Variants in PIK3C2B observed in about 807,000 individuals in gnomAD.
PIK3C2B encodes the protein phosphatidylinositol 4-phosphate 3-kinase C2 domain-containing subunit beta.
Under a neutral mutation model 184.3 loss-of-function variants are expected in PIK3C2B, and 83 were observed. That is an observed-to-expected ratio of 0.45 (90% CI 0.38 to 0.54). The LOEUF (loss-of-function observed/expected upper bound fraction) is 0.54. PIK3C2B is among the 20% of genes least tolerant of loss of function. PIK3C2B has a pLI of 0.00. For synonymous variants in PIK3C2B, 779 were observed against 837.6 expected (o/e 0.93, Z 1.21); for missense variants, 1,736 against 2,113.5 (o/e 0.82, Z 3.50).
chr1:204,448,789 T>G (rs12407668), intron 14 of PIK3C2B, among the ~76,000 whole-genome samples: 5,148 of 152,106 alleles, frequency 0.034, 99 homozygotes, highest in Middle Eastern at 0.068. Flanking sequence ...CCCTGGAGAA[T>G]AGGTCCATCC....
At chr1:204,444,504 G>A in intron 16 of PIK3C2B, 80 bp from the exon 17 acceptor site, 4 of 976,868 alleles carry the variant, frequency 4.1e-6, no homozygotes, top group Non-Finnish European at 6.3e-6. Context: ...TCACACCTGG[G>A]CTTCAGAGGC....
intron 1 of PIK3C2B, among the ~76,000 whole-genome samples, chr1:204,481,179 C>A (rs1657109148): frequency 6.6e-6 from 1 of 151,964 alleles, no homozygotes; most frequent in African/African-American, 2.4e-5. Context: ...CTACTCTCCC[C>A]CGACACACAC....
chr1:204,456,299 T>G (rs1558256594), intron 10 of PIK3C2B: 2 of 384,294 alleles, frequency 5.2e-6, no homozygotes, highest in South Asian at 1.1e-4. Context: ...GTATTGCTAC[T>G]TAGCATTAAA....
At chr1:204,452,642 C>A (rs1446416899) in intron 12 of PIK3C2B, among the ~76,000 whole-genome samples, 10 of 142,504 alleles carry the variant, frequency 7.0e-5, no homozygotes, top group African/African-American at 2.3e-4. Context: ...TTAATGCACA[C>A]CCCATGTCCT....
chr1:204,467,338 T>C (rs1185434672), intron 2 of PIK3C2B: 1 of 167,714 alleles, frequency 6.0e-6, no homozygotes, highest in Non-Finnish European at 1.3e-5. Context: ...CCCTGAGCTC[T>C]AGGGATGTGG....
chr1:204,491,886 G>A (rs183543092), intron 1 of PIK3C2B, among the ~76,000 whole-genome samples: 48 of 152,302 alleles, frequency 3.2e-4, no homozygotes, highest in Non-Finnish European at 5.7e-4. Context: ...GCAGTAGCCA[G>A]CCTTTGGAAG....
intron 8 of PIK3C2B, 123 bp downstream of exon 8, chr1:204,459,755 T>C (rs1410476450): frequency 2.5e-6 from 2 of 804,636 alleles, no homozygotes; most frequent in Non-Finnish European, 4.2e-6. Flanking sequence ...AAAGAAGTGC[T>C]CTGCCAACAG....
At chr1:204,472,315 C>T (rs1306407611) in intron 1 of PIK3C2B, among the ~76,000 whole-genome samples, 3 of 151,934 alleles carry the variant, frequency 2.0e-5, no homozygotes, top group African/African-American at 7.2e-5. Context: ...AGGCACCCGC[C>T]ACCACACCCG....
At chr1:204,434,726 A>G in intron 23 of PIK3C2B, 118 bp from the exon 24 acceptor site, 2 of 707,780 alleles carry the variant, frequency 2.8e-6, no homozygotes, top group East Asian at 2.7e-5. Flanking sequence ...TGTGAACCCC[A>G]ATAGTGTCTC....
chr1:204,493,553 A>ACACT (rs1558293821), intron 1 of PIK3C2B, among the ~76,000 whole-genome samples: 1 of 151,494 alleles, frequency 6.6e-6, no homozygotes, highest in African/African-American at 2.4e-5. Context: ...ACACACACAC[A>ACACT]CTTCAACATC....
At chr1:204,449,421 C>T in intron 13 of PIK3C2B, 125 bp from the exon 14 acceptor site, 1 of 710,882 alleles carries the variant, frequency 1.4e-6, no homozygotes, top group Non-Finnish European at 2.4e-6. Context: ...CTCTCATTCT[C>T]ACCGTGGACC....
chr1:204,488,659 G>A (rs80237840), intron 1 of PIK3C2B, among the ~76,000 whole-genome samples: 2 of 152,160 alleles, frequency 1.3e-5, no homozygotes, highest in African/African-American at 2.4e-5. Context: ...TGGCTCTGGC[G>A]AGATTAAACT....
In PIK3C2B at chr1:204,447,602, G is replaced by C. The variant is rs750498469; in HGVS notation, c.2347-24C>G. ...ATCTGGGGGATGAGATCAGGGATGT[G>C]AGGAGAGAAAACAGGCAGCGTGTGT... On this transcript the variant is annotated intron_variant, in intron 14 of 32. Coordinates refer to ENST00000684373, the MANE Select transcript of PIK3C2B (RefSeq NM_001377334.1). This position sits in a 1 kb window ranked among gnomAD's most constrained non-coding sequence, Gnocchi z 4.1. 8.2e-6 allele frequency: 13 copies of C among 1,588,886 alleles called. No homozygotes were observed. Among genetic ancestry groups the C allele is most frequent in the Non-Finnish European group, 9.4e-6 (11 of 1,166,954 alleles).
intron 1 of PIK3C2B, among the ~76,000 whole-genome samples, chr1:204,493,616 A>G (rs1194408524): frequency 6.6e-6 from 1 of 151,834 alleles, no homozygotes; most frequent in Non-Finnish European, 1.5e-5. Flanking sequence ...CTCTTCCCAC[A>G]ATCCAGAAGC....
intron 7 of PIK3C2B, 66 bp downstream of exon 7, chr1:204,460,258 G>A (rs999254723): frequency 1.4e-5 from 18 of 1,299,944 alleles, no homozygotes; most frequent in Non-Finnish European, 1.8e-5. Context: ...AGGCAAGCAG[G>A]CACATCTGAT....
In PIK3C2B at chr1:204,428,211, C is replaced by A. The variant is rs1321894615; in HGVS notation, c.4408G>T (p.Val1470Leu). ...GGCAGTGGGTGGAAGAAGGTGTACA[C>A]CAAATCACACTGGAACAGAATCAGA... ...APPEVAECDL[V>L]YTFFHPLPRD... The change falls in exon 30 of 33, where the codon GTG (valine) becomes TTG (leucine). Residue 1470 changes from valine to leucine, a missense_variant. Physicochemically the swap from Val to Leu is conservative, Grantham distance 32. Around this residue, in one of 8 missense-constraint regions of PIK3C2B, gnomAD observed 200 missense variants for 199.1 expected, o/e 1.00. Coordinates refer to ENST00000684373, the MANE Select transcript of PIK3C2B (RefSeq NM_001377334.1). 2.5e-6 allele frequency: 4 copies of A among 1,608,696 alleles called. No individual in the cohort carries two copies. The highest frequency in any genetic ancestry group is 1.3e-5 in the African/African-American group (1 of 74,788).
At chr1:204,481,025 A>G (rs1296086954) in intron 1 of PIK3C2B, among the ~76,000 whole-genome samples, 1 of 152,020 alleles carries the variant, frequency 6.6e-6, no homozygotes, top group Admixed American at 6.6e-5. Flanking sequence ...AGCCATAGGG[A>G]TCACACAAAC....
intron 16 of PIK3C2B, among the ~76,000 whole-genome samples, 167 bp downstream of exon 16, chr1:204,445,789 G>A (rs182247988): frequency 1.1e-3 from 162 of 152,212 alleles, no homozygotes; most frequent in Admixed American, 2.5e-3. Context: ...ATATAACATT[G>A]AAGGGAAAAT....
At position 204,449,374 on chromosome 1, in the gene PIK3C2B, A is replaced by G. The variant is rs61762617; in HGVS notation, c.2235-78T>C. 1,816 of 1,103,118 alleles carry G rather than the reference A, an allele frequency of 1.6e-3. 18 individuals carry two copies. The African/African-American group carries it at 0.024, about 15-fold the overall frequency. 68.3% of individuals were successfully genotyped at this position (1,103,118 alleles called of 1,614,324 possible). A position where few individuals can be genotyped will look rare whatever the true frequency, so the allele number is the denominator to read the frequency against. ...TTTCTACTGCTCCCCCAATCCAAAA[A>G]TCTGCCTTTTCTGTTTGAAGCCATC... On this transcript the variant is annotated intron_variant, in intron 13 of 32. Coordinates refer to ENST00000684373, the MANE Select transcript of PIK3C2B (RefSeq NM_001377334.1).
Sources: allele counts gnomAD v4.1 joint callset (sites outside exome capture counted in the v4.1 genomes callset), GRCh38; gene constraint gnomAD v4.1.1; regional missense constraint gnomAD v4.1.1; non-coding constraint Gnocchi (gnomAD v3.1); transcripts MANE v1.5; gene names NCBI Gene and HGNC (gene_info 2026-07-23, HGNC 2026-07-21).